The following VPS50 variants were observed in gnomAD, a reference collection of about 807,000 sequenced individuals.
VPS50 encodes the protein syndetin.
Under a neutral mutation model 139.7 loss-of-function variants are expected in VPS50, and 70 were observed. The observed-to-expected ratio is 0.50, with a 90% CI of 0.41 to 0.61. VPS50 has a LOEUF of 0.61. Among genes scored for constraint, VPS50 ranks in the 20% least tolerant of loss-of-function variants. The pLI is 0.00. For synonymous variants in VPS50, 365 were observed against 376.7 expected (o/e 0.97, Z 0.36); for missense variants, 921 against 1,133.7 (o/e 0.81, Z 2.69).
chr7:93,285,127 G>A (rs996028079), intron 12 of VPS50, among the ~76,000 whole-genome samples: 1 of 152,108 alleles, frequency 6.6e-6, no homozygotes, highest in Non-Finnish European at 1.5e-5. Context: ...AGTACTAACA[G>A]CATTCATCTA....
At chr7:93,289,747 AACTATTTGTAAAGAAAAC>A (rs1160910329) in intron 12 of VPS50, among the ~76,000 whole-genome samples, 1 of 151,938 alleles carries the variant, frequency 6.6e-6, no homozygotes, top group Non-Finnish European at 1.5e-5. Flanking sequence ...ATTTTCCCAA[AACTATTTGTAAAGAAAAC>A]ACTATCTTCA....
intron 21 of VPS50, among the ~76,000 whole-genome samples, chr7:93,325,031 C>A (rs1797729047): frequency 6.6e-6 from 1 of 152,040 alleles, no homozygotes; most frequent in Non-Finnish European, 1.5e-5. Flanking sequence ...CATCACACTA[C>A]CTGACTTCAA....
chr7:93,313,944 C>T (rs1472363856), intron 20 of VPS50, among the ~76,000 whole-genome samples: 2 of 152,156 alleles, frequency 1.3e-5, no homozygotes, highest in African/African-American at 4.8e-5. Flanking sequence ...TAGGTGCTGC[C>T]ATTATCACCC....
In VPS50 at chr7:93,358,582, T is replaced by C. The variant is rs1798770697; in HGVS notation, c.*146T>C. 4 of 666,592 alleles carry C rather than the reference T, an allele frequency of 6.0e-6. No homozygotes were observed. The highest frequency in any genetic ancestry group is 1.0e-5 in the Non-Finnish European group (4 of 383,744). The allele number at this position is 666,592 out of a possible 1,614,324, so 41.3% of individuals were successfully genotyped here. ...GACTGGAAAGTGGAAAATATTGAAA[T>C]GTGTGTGGTGTTCTCATGACTTTTA... is the stretch of plus-strand genomic sequence containing the variant. On this transcript the variant is annotated 3_prime_UTR_variant, in exon 28 of 28. Coordinates refer to ENST00000305866, the MANE Select transcript of VPS50 (RefSeq NM_017667.4).
chr7:93,234,431 G>C (rs1453764333), intron 1 of VPS50, among the ~76,000 whole-genome samples: 1 of 152,150 alleles, frequency 6.6e-6, no homozygotes, highest in Non-Finnish European at 1.5e-5. Flanking sequence ...CATACAAAAA[G>C]CTGGAACCAT....
Position 93,360,414 on chromosome 7 carries a change from T to G in VPS50, c.*1978T>G, listed in dbSNP as rs1204498386. On this transcript the variant is annotated 3_prime_UTR_variant, in exon 28 of 28. Coordinates refer to ENST00000305866, the MANE Select transcript of VPS50 (RefSeq NM_017667.4). ...TAATGCTTTTTGAAAAAGGTTTTTT[T>G]TTTTTTTTTTTTTCATTAAAAGGTA... 1 of 151,036 alleles carries G rather than the reference T, an allele frequency of 6.6e-6. No individual in the cohort carries two copies. Among genetic ancestry groups the G allele is most frequent in the Non-Finnish European group, 1.5e-5 (1 of 67,728 alleles). The allele number at this position is 151,036 out of a possible 1,614,324, so 9.4% of individuals were successfully genotyped here.
chr7:93,346,695 G>C (rs1289984197), intron 23 of VPS50, among the ~76,000 whole-genome samples: 1 of 150,000 alleles, frequency 6.7e-6, no homozygotes, highest in African/African-American at 2.5e-5. Flanking sequence ...TCTGATCTTT[G>C]ACAAACCTGA....
At chr7:93,276,512 A>G in intron 12 of VPS50, 1 of 701,696 alleles carries the variant, frequency 1.4e-6, no homozygotes, top group Non-Finnish European at 2.1e-6. Context: ...CTGAGATTGG[A>G]GCATGATTGC....
At chr7:93,335,073 C>T in intron 22 of VPS50, among the ~76,000 whole-genome samples, 1 of 152,090 alleles carries the variant, frequency 6.6e-6, no homozygotes, top group East Asian at 1.9e-4. Flanking sequence ...ACTGTTGCAA[C>T]AATTGTTATA....
At chr7:93,348,935 T>G (rs1584495505) in intron 24 of VPS50, 128 bp downstream of exon 24, 1 of 626,506 alleles carries the variant, frequency 1.6e-6, no homozygotes, top group Admixed American at 2.8e-5. Flanking sequence ...AGATAAAATA[T>G]TCATTTATTC....
chr7:93,261,342 T>C (rs891413533), intron 9 of VPS50, among the ~76,000 whole-genome samples: 1 of 152,116 alleles, frequency 6.6e-6, no homozygotes, highest in African/African-American at 2.4e-5. Flanking sequence ...ATAAAGAACA[T>C]AATCTATCAA....
At chr7:93,262,140 ATTGACT>A (rs1384281693) in intron 9 of VPS50, among the ~76,000 whole-genome samples, 1 of 152,208 alleles carries the variant, frequency 6.6e-6, no homozygotes, top group East Asian at 1.9e-4. Context: ...TATAGCAGAG[ATTGACT>A]TTGAAAAGGT....
chr7:93,359,165 A>G lies in VPS50; in HGVS notation c.*729A>G, dbSNP rs1798785133. ...TAATTTCATTGAGGGTACCTTTTCA[A>G]TGCCTGAGTAGCATACAGAATCATG... On this transcript the variant is annotated 3_prime_UTR_variant, in exon 28 of 28. Coordinates refer to ENST00000305866, the MANE Select transcript of VPS50 (RefSeq NM_017667.4). 6.6e-6 allele frequency: 1 copy of G among 152,134 alleles called. No individual in the cohort carries two copies. Among genetic ancestry groups the G allele is most frequent in the African/African-American group, 2.4e-5 (1 of 41,448 alleles). 9.4% of individuals were successfully genotyped at this position (152,134 alleles called of 1,614,324 possible). A position where few individuals can be genotyped will look rare whatever the true frequency, so the allele number is the denominator to read the frequency against.
chr7:93,244,848 A>C (rs1795101893), intron 2 of VPS50, among the ~76,000 whole-genome samples: 1 of 151,906 alleles, frequency 6.6e-6, no homozygotes, highest in South Asian at 2.1e-4. Flanking sequence ...TTAGGTGCTC[A>C]TGGCTAACAG....
chr7:93,286,712 T>C (rs779977933), intron 12 of VPS50, among the ~76,000 whole-genome samples: 5 of 152,176 alleles, frequency 3.3e-5, no homozygotes, highest in Non-Finnish European at 7.4e-5. Context: ...TCTGGCTTCA[T>C]TGAATCTCTC....
intron 9 of VPS50, among the ~76,000 whole-genome samples, chr7:93,261,646 C>G (rs1030967461): frequency 1.3e-5 from 2 of 148,936 alleles, no homozygotes; most frequent in Non-Finnish European, 3.0e-5. Flanking sequence ...CCACTGCACT[C>G]CCACCTGGGC....
chr7:93,295,195 A>G (rs1387927428), intron 14 of VPS50, among the ~76,000 whole-genome samples: 3 of 152,124 alleles, frequency 2.0e-5, no homozygotes, highest in Non-Finnish European at 4.4e-5. Context: ...AGAGAAGTTT[A>G]TTTCTTAGAA....
chr7:93,354,165 A>G (rs748858149), intron 26 of VPS50, among the ~76,000 whole-genome samples: 3 of 152,156 alleles, frequency 2.0e-5, no homozygotes, highest in Non-Finnish European at 2.9e-5. Flanking sequence ...GGTAGGTACT[A>G]TGATTCTGTT....
chr7:93,341,402 G>A, intron 22 of VPS50, 25 bp from the exon 23 acceptor site: 1 of 1,551,504 alleles, frequency 6.4e-7, no homozygotes, highest in Non-Finnish European at 8.7e-7. Context: ...TGTTATTCCA[G>A]GTTGTATATC....
Sources: allele counts gnomAD v4.1 joint callset (sites outside exome capture counted in the v4.1 genomes callset), GRCh38; gene constraint gnomAD v4.1.1; transcripts MANE v1.5; gene names NCBI Gene and HGNC (gene_info 2026-07-23, HGNC 2026-07-21).